Variants in SYT14 observed in about 807,000 individuals in gnomAD.
SYT14 encodes the protein synaptotagmin-14.
In SYT14, 32 loss-of-function variants were observed where a neutral mutation model predicts 74.2. That is an observed-to-expected ratio of 0.43 (90% CI 0.33 to 0.58). The LOEUF is 0.58. Ranked by LOEUF, SYT14 falls within the 20% of genes least tolerant of loss-of-function variation. The pLI is 0.05. For synonymous variants in SYT14, 298 were observed against 337.7 expected, an observed-to-expected ratio of 0.88 and a Z score of 1.29; for missense variants, 791 against 981.8, an observed-to-expected ratio of 0.81 and a Z score of 2.60.
At chr1:210,091,503 A>G (rs912993268) in intron 5 of SYT14, among the ~76,000 whole-genome samples, 1 of 152,170 alleles carries the variant, frequency 6.6e-6, no homozygotes, top group African/African-American at 2.4e-5. Flanking sequence ...AGCCTGGGCA[A>G]CATGGCAAGA....
chr1:210,078,267 G>GA (rs2081545522), intron 5 of SYT14, among the ~76,000 whole-genome samples: 1 of 121,410 alleles, frequency 8.2e-6, no homozygotes, highest in Non-Finnish European at 1.6e-5. Flanking sequence ...CTGAGATCAC[G>GA]CCACTGCACT....
At chr1:209,986,767 G>A (rs960444519) in intron 2 of SYT14, among the ~76,000 whole-genome samples, 1 of 152,040 alleles carries the variant, frequency 6.6e-6, no homozygotes, top group African/African-American at 2.4e-5. Flanking sequence ...GGAATTACAG[G>A]CATGCGCCAC....
intron 1 of SYT14, among the ~76,000 whole-genome samples, chr1:209,947,788 A>G (rs1240120097): frequency 6.6e-6 from 1 of 152,196 alleles, no homozygotes; most frequent in African/African-American, 2.4e-5. Context: ...CTACAGAGAA[A>G]TCTTCCATGA....
At chr1:210,011,215 A>G (rs2080080663) in intron 2 of SYT14, among the ~76,000 whole-genome samples, 1 of 152,172 alleles carries the variant, frequency 6.6e-6, no homozygotes, top group African/African-American at 2.4e-5. Flanking sequence ...TCTTCATACC[A>G]GATTCTGTCC....
intron 1 of SYT14, among the ~76,000 whole-genome samples, chr1:209,947,144 C>T (rs115589300): frequency 2.2e-3 from 335 of 152,204 alleles, no homozygotes; most frequent in African/African-American, 7.6e-3. Flanking sequence ...CTGATGGAGA[C>T]GTACAAGGAG....
At chr1:209,998,219 A>G (rs1002619842) in intron 2 of SYT14, among the ~76,000 whole-genome samples, 16 of 152,180 alleles carry the variant, frequency 1.1e-4, no homozygotes, top group Non-Finnish European at 1.2e-4. Context: ...TATGGAAAAC[A>G]AAATAAAATA....
At chr1:210,006,347 A>G (rs1387626996) in intron 2 of SYT14, among the ~76,000 whole-genome samples, 1 of 151,992 alleles carries the variant, frequency 6.6e-6, no homozygotes, top group Non-Finnish European at 1.5e-5. Context: ...GGAAACTGAA[A>G]CATACTAACC....
At chr1:209,971,063 A>G (rs2079246393) in intron 2 of SYT14, among the ~76,000 whole-genome samples, 1 of 152,110 alleles carries the variant, frequency 6.6e-6, no homozygotes. Context: ...GATTTCTTTC[A>G]GCAGTGTTTG....
intron 8 of SYT14, among the ~76,000 whole-genome samples, chr1:210,158,128 T>C (rs1479714887): frequency 6.6e-6 from 1 of 152,232 alleles, no homozygotes; most frequent in African/African-American, 2.4e-5. Flanking sequence ...ATTGTTCCCT[T>C]TCTCATTTCA....
chr1:210,169,222 T>G (rs1200376532), exon 10 of SYT14: 6 of 34,780 alleles, frequency 1.7e-4, no homozygotes, highest in African/African-American at 5.4e-4. Context: ...GTTTTTGGTG[T>G]TTTTTTTTTT....
intron 7 of SYT14, among the ~76,000 whole-genome samples, chr1:210,139,466 G>A (rs1234936753): frequency 6.6e-6 from 1 of 151,370 alleles, no homozygotes; most frequent in Non-Finnish European, 1.5e-5. Context: ...TCTGAAATAG[G>A]GATCCTGTAA....
At chr1:210,070,795 A>G (rs780725937) in intron 5 of SYT14, among the ~76,000 whole-genome samples, 15 of 152,012 alleles carry the variant, frequency 9.9e-5, no homozygotes, top group Non-Finnish European at 2.2e-4. Context: ...CTTTTCTCCA[A>G]ACCACTCTTA....
exon 10 of SYT14, chr1:210,171,129 C>G (rs945100598): frequency 6.6e-6 from 1 of 152,060 alleles, no homozygotes; most frequent in Non-Finnish European, 1.5e-5. Context: ...TTTTCATTAG[C>G]TAGTTGTATT....
intron 5 of SYT14, among the ~76,000 whole-genome samples, chr1:210,060,161 AAAT>A (rs1451052423): frequency 6.6e-6 from 1 of 152,182 alleles, no homozygotes; most frequent in Non-Finnish European, 1.5e-5. Context: ...GGAGACTTGT[AAAT>A]AGCAGACATG....
At chr1:210,130,783 A>C (rs1017533245) in intron 7 of SYT14, among the ~76,000 whole-genome samples, 3 of 152,158 alleles carry the variant, frequency 2.0e-5, no homozygotes, top group African/African-American at 7.2e-5. Context: ...ATGAGGATAT[A>C]TACAGAAACA....
chr1:209,948,992 G>T (rs1242043727), intron 1 of SYT14, among the ~76,000 whole-genome samples: 2 of 152,170 alleles, frequency 1.3e-5, no homozygotes, highest in African/African-American at 4.8e-5. Context: ...ACTGTTAAAA[G>T]CAGTACACCA....
At chr1:210,078,383 C>T (rs1212171117) in intron 5 of SYT14, among the ~76,000 whole-genome samples, 1 of 147,562 alleles carries the variant, frequency 6.8e-6, no homozygotes, top group Non-Finnish European at 1.5e-5. Flanking sequence ...AGGGTTGGTA[C>T]AGTGATTTGA....
intron 7 of SYT14, among the ~76,000 whole-genome samples, chr1:210,120,611 G>C (rs2082441072): frequency 6.6e-6 from 1 of 152,074 alleles, no homozygotes; most frequent in South Asian, 2.1e-4. Flanking sequence ...ATACCATCTA[G>C]GTTTGTGTAA....
At chr1:210,141,061 A>G (rs1171598460) in intron 7 of SYT14, among the ~76,000 whole-genome samples, 1 of 151,854 alleles carries the variant, frequency 6.6e-6, no homozygotes, top group Non-Finnish European at 1.5e-5. Flanking sequence ...AAAAAAAAAA[A>G]AAAGAAGGCC....
Sources: allele counts gnomAD v4.1 joint callset (sites outside exome capture counted in the v4.1 genomes callset), GRCh38; gene constraint gnomAD v4.1.1; transcripts MANE v1.5; gene names NCBI Gene and HGNC (gene_info 2026-07-23, HGNC 2026-07-21).